Variants in SUCLG2 observed in about 807,000 individuals in gnomAD.
SUCLG2 encodes succinate--CoA ligase [GDP-forming] subunit beta, mitochondrial.
In SUCLG2, 42 loss-of-function variants were observed where a neutral mutation model predicts 47.9. The observed-to-expected ratio is 0.88, with a 90% confidence interval of 0.69 to 1.14. SUCLG2 has a LOEUF of 1.14. Ranked by LOEUF, SUCLG2 falls within the 50% of genes most tolerant of loss-of-function variation. The probability of loss-of-function intolerance (pLI) is 0.00; values close to 1 mark genes in which losing one functional copy is unlikely to be tolerated. For missense variants in SUCLG2, 571 were observed against 525.9 expected (o/e 1.09, Z -0.84); for synonymous variants, 195 against 197.3 (o/e 0.99, Z 0.10).
chr3:67,532,909 T>C (rs1363062616), intron 2 of SUCLG2, among the ~76,000 whole-genome samples: 1 of 152,204 alleles, frequency 6.6e-6, no homozygotes, highest in Non-Finnish European at 1.5e-5. Flanking sequence ...TTTATAGCAA[T>C]TTTTATAGAT....
chr3:67,394,643 C>A (rs1482134942), intron 10 of SUCLG2, among the ~76,000 whole-genome samples: 1 of 151,802 alleles, frequency 6.6e-6, no homozygotes, highest in South Asian at 2.1e-4. Context: ...CAAGGCAGGA[C>A]AACATTCAGA....
chr3:67,651,221 T>C (rs1176132576), intron 1 of SUCLG2, among the ~76,000 whole-genome samples: 1 of 152,212 alleles, frequency 6.6e-6, no homozygotes, highest in African/African-American at 2.4e-5. Context: ...AGGACTGGGA[T>C]TCAGCCTCTG....
intron 9 of SUCLG2, among the ~76,000 whole-genome samples, chr3:67,459,244 G>A (rs1046664703): frequency 5.9e-5 from 9 of 152,056 alleles, no homozygotes; most frequent in African/African-American, 1.9e-4. Flanking sequence ...TTAAGTAGAG[G>A]GAAACACACT....
exon 11 of SUCLG2, chr3:67,360,762 A>G (rs981647179): frequency 1.5e-5 from 22 of 1,511,960 alleles, no homozygotes; most frequent in East Asian, 2.5e-5. Flanking sequence ...TTTTTCCATA[A>G]AAGTACCTGA....
chr3:67,396,145 A>G (rs1311170371), intron 10 of SUCLG2, among the ~76,000 whole-genome samples: 3 of 152,196 alleles, frequency 2.0e-5, no homozygotes, highest in African/African-American at 4.8e-5. Flanking sequence ...TTCAAAAGCT[A>G]GCAGAAGGCA....
At chr3:67,590,074 G>A (rs1708119483) in intron 2 of SUCLG2, among the ~76,000 whole-genome samples, 1 of 152,140 alleles carries the variant, frequency 6.6e-6, no homozygotes, top group South Asian at 2.1e-4. Flanking sequence ...TCCTATAAAT[G>A]TTAGGGATGG....
intron 9 of SUCLG2, among the ~76,000 whole-genome samples, chr3:67,401,665 TGAAGA>T (rs1370248226): frequency 1.3e-5 from 2 of 150,590 alleles, no homozygotes; most frequent in African/African-American, 4.9e-5. Context: ...AACGAGATAA[TGAAGA>T]GAATTCATTA....
intron 2 of SUCLG2, among the ~76,000 whole-genome samples, chr3:67,559,505 A>T (rs1431444660): frequency 6.6e-6 from 1 of 152,168 alleles, no homozygotes; most frequent in African/African-American, 2.4e-5. Flanking sequence ...ACTCACCATC[A>T]TGAGAACAGC....
chr3:67,642,190 C>A (rs1469969399), intron 1 of SUCLG2, among the ~76,000 whole-genome samples: 2 of 152,194 alleles, frequency 1.3e-5, no homozygotes, highest in Non-Finnish European at 2.9e-5. Context: ...CAATTCCACC[C>A]ATTATCAGGC....
chr3:67,361,641 A>G, intron 10 of SUCLG2, among the ~76,000 whole-genome samples: 1 of 152,178 alleles, frequency 6.6e-6, no homozygotes, highest in Non-Finnish European at 1.5e-5. Flanking sequence ...GCCCCTGCCC[A>G]CTTCTCTATT....
At chr3:67,475,937 A>C (rs1704740360) in intron 9 of SUCLG2, among the ~76,000 whole-genome samples, 1 of 152,020 alleles carries the variant, frequency 6.6e-6, no homozygotes, top group South Asian at 2.1e-4. Context: ...TATGATATAG[A>C]AAGGCCAATT....
rs1016258004 is a variant in SUCLG2, at chr3:67,552,564, C to T, written c.227-23378G>A. ...CATGGATGTCTATAACATAGGAATA[C>T]GAGAACGTGGATTTGAGTTCAGTAG... On this transcript the variant is annotated intron_variant, in intron 2 of 10. Coordinates refer to ENST00000307227, the MANE Select transcript of SUCLG2 (RefSeq NM_003848.4). 3.9e-5 allele frequency among the ~76,000 whole-genome samples: 6 copies of T among 152,276 alleles called. No homozygotes were observed. The South Asian group carries it at 8.3e-4, about 21-fold the overall frequency.
At chr3:67,501,769 C>A (rs1705500210) in intron 7 of SUCLG2, among the ~76,000 whole-genome samples, 1 of 152,050 alleles carries the variant, frequency 6.6e-6, no homozygotes. Flanking sequence ...TACAGGTTGC[C>A]AAACACAGGG....
intron 2 of SUCLG2, among the ~76,000 whole-genome samples, chr3:67,601,854 C>T (rs888256046): frequency 1.3e-5 from 2 of 151,960 alleles, no homozygotes; most frequent in East Asian, 1.9e-4. Flanking sequence ...TGGTGGTGCA[C>T]GCCTGTAATC....
intron 1 of SUCLG2, among the ~76,000 whole-genome samples, chr3:67,618,593 TA>T (rs1275781191): frequency 6.6e-6 from 1 of 151,982 alleles, no homozygotes; most frequent in Non-Finnish European, 1.5e-5. Context: ...TCCCCCTGCC[TA>T]AAAAAAACCC....
chr3:67,425,884 A>C (rs144020871), intron 9 of SUCLG2, among the ~76,000 whole-genome samples: 1 of 152,358 alleles, frequency 6.6e-6, no homozygotes, highest in East Asian at 1.9e-4. Context: ...CCAATGACCC[A>C]AAAATAAAAT....
chr3:67,539,634 G>C (rs1053411710), intron 2 of SUCLG2, among the ~76,000 whole-genome samples: 1 of 152,152 alleles, frequency 6.6e-6, no homozygotes, highest in Admixed American at 6.5e-5. Flanking sequence ...AGAAGGAATG[G>C]TACCAGCTCC....
At chr3:67,640,294 G>A (rs1701077830) in intron 1 of SUCLG2, among the ~76,000 whole-genome samples, 1 of 152,206 alleles carries the variant, frequency 6.6e-6, no homozygotes, top group Admixed American at 6.5e-5. Context: ...ATTTTGCAAA[G>A]TTAAGCATGT....
At chr3:67,438,018 T>C (rs1194523425) in intron 9 of SUCLG2, among the ~76,000 whole-genome samples, 1 of 152,044 alleles carries the variant, frequency 6.6e-6, no homozygotes, top group Non-Finnish European at 1.5e-5. Context: ...GCTTCTGCGA[T>C]TAGTGATAAA....
Sources: gnomAD v4.1 joint callset for allele counts (sites outside exome capture counted in the v4.1 genomes callset) on GRCh38, gnomAD v4.1.1 for gene constraint, MANE v1.5 for transcripts, NCBI Gene and HGNC (gene_info 2026-07-23, HGNC 2026-07-21) for gene names.